The following NPC1 variants were observed in gnomAD, a reference collection of about 807,000 sequenced individuals.
NPC1 encodes NPC intracellular cholesterol transporter 1, also known as Niemann-Pick C1 protein.
Under a neutral mutation model 140.4 loss-of-function variants are expected in NPC1, and 85 were observed. The ratio of observed to expected loss-of-function variants is 0.61; its 90% confidence interval spans 0.51 to 0.72. The LOEUF (loss-of-function observed/expected upper bound fraction) is 0.72, where lower values mean the gene tolerates loss of function less well. Ranked by LOEUF, NPC1 falls within the 30% of genes least tolerant of loss-of-function variation. The pLI is 0.00. For missense variants in NPC1, 1,504 were observed against 1,623.8 expected (o/e 0.93, Z 1.27); for synonymous variants, 656 against 624.8 (o/e 1.05, Z -0.74).
chr18:23,582,178 G>C (rs563820476), intron 1 of NPC1: 1 of 152,150 alleles, frequency 6.6e-6, no homozygotes, highest in South Asian at 2.1e-4. Flanking sequence ...GTTGTGTCTA[G>C]GGAAGCCAAT....
At chr18:23,584,005 C>T (rs544471356) in intron 1 of NPC1, among the ~76,000 whole-genome samples, 50 of 152,302 alleles carry the variant, frequency 3.3e-4, no homozygotes, top group African/African-American at 1.2e-3. Flanking sequence ...TCTACCCAGG[C>T]TTCTCTATGT....
chr18:23,537,699 G>A (rs552453822), intron 20 of NPC1, among the ~76,000 whole-genome samples: 14 of 152,288 alleles, frequency 9.2e-5, no homozygotes, highest in South Asian at 2.1e-4. Flanking sequence ...CCCCAGGAAC[G>A]GTGGCTACTG....
chr18:23,580,287 C>T (rs543254789), intron 1 of NPC1, among the ~76,000 whole-genome samples: 4 of 152,238 alleles, frequency 2.6e-5, no homozygotes, highest in East Asian at 1.9e-4. Flanking sequence ...CCCCCTTGTC[C>T]TCCTGCCTCC....
chr18:23,572,125 T>A lies in NPC1; in HGVS notation c.236A>T (p.Gln79Leu). 6.2e-7 allele frequency: 1 copy of A among 1,613,932 alleles called. No homozygotes were observed. Among genetic ancestry groups the A allele is most frequent in the South Asian group, 1.1e-5 (1 of 91,084 alleles). ...GNVSLCCDVR[Q>L]LQTLKDNLQL... ...CAGGTTGTCTTTTAGTGTCTGAAGCTGCCGAACATCACAACAGAGACTGAC... is the reference window on the plus strand; with the variant it reads ...CAGGTTGTCTTTTAGTGTCTGAAGCAGCCGAACATCACAACAGAGACTGAC... Residue 79 changes from glutamine to leucine, a missense_variant, in exon 3 of 25, where the codon CAG (glutamine) becomes CTG (leucine). Physicochemically the swap from Gln to Leu is moderately radical, Grantham distance 113. Coordinates refer to ENST00000269228, the MANE Select transcript of NPC1 (RefSeq NM_000271.5).
chr18:23,530,189 T>G, downstream of NPC1: 1 of 1,613,984 alleles, frequency 6.2e-7, no homozygotes, highest in Non-Finnish European at 8.5e-7. Context: ...ATTTTAACCG[T>G]TATCTTTCCA....
At position 23,577,353 on chromosome 18, in the gene NPC1, T is replaced by C. The variant is rs2059298569; in HGVS notation, c.58-3779A>G. Among the ~76,000 whole-genome samples, 5 of 92,728 alleles carry C rather than the reference T, an allele frequency of 5.4e-5. No individual in the cohort carries two copies. In the Admixed American group the frequency reaches 5.5e-4, roughly 10 times the overall value. The allele number at this position is 92,728 out of a possible 152,430, so 60.8% of individuals were successfully genotyped here. A position where few individuals can be genotyped will look rare whatever the true frequency, so the allele number is the denominator to read the frequency against. ...ATTGGTGCACTCACAAACCTTGAGC[T>C]AAACACAGGGTGCTGATTGGTGTAT... On this transcript the variant is annotated intron_variant, in intron 1 of 24. Transcript: ENST00000269228.
In NPC1 at chr18:23,544,948, C is replaced by CCCCA. The variant is rs1555634668; in HGVS notation, c.1947+11_1947+12insTGGG. The CCCCA allele has an allele frequency of 5.3e-4, 738 of 1,379,502 alleles. 38 individuals carry two copies. The highest frequency in any genetic ancestry group is 4.6e-3 in the Middle Eastern group (26 of 5,652). 85.5% of individuals were successfully genotyped at this position (1,379,502 alleles called of 1,614,324 possible). On this transcript the variant is annotated intron_variant, in intron 12 of 24. Coordinates refer to ENST00000269228, the MANE Select transcript of NPC1 (RefSeq NM_000271.5). ...TAACCTCTAGAACATACACCACCCCCCCCCGGCTTACCAGAAGCCTGCGAC... is the reference window on the plus strand; with the variant it reads ...TAACCTCTAGAACATACACCACCCCCCCCACCCCGGCTTACCAGAAGCCTGCGAC...
At chr18:23,528,186 T>C (rs1217009638), downstream of NPC1, 5 of 262,382 alleles carry the variant, frequency 1.9e-5, no homozygotes, top group South Asian at 1.9e-4. Context: ...TCTACTGTTA[T>C]AGATGAGAAA....
At chr18:23,567,308 A>C (rs74968372) in intron 4 of NPC1, among the ~76,000 whole-genome samples, 9,701 of 152,254 alleles carry the variant, frequency 0.064, 1,017 homozygotes, top group African/African-American at 0.22. Context: ...TTTGGTGTTG[A>C]AAGCGTCTTG....
In NPC1 at chr18:23,543,478, GA is replaced by G; in HGVS notation, c.2221del (p.Ser741LeufsTer4). 6.2e-7 allele frequency: 1 copy of G among 1,608,280 alleles called. No individual in the cohort carries two copies. Among genetic ancestry groups the G allele is most frequent in the Non-Finnish European group, 8.5e-7 (1 of 1,175,656 alleles). On this transcript the variant is annotated frameshift_variant, in exon 14 of 25. Transcript: ENST00000269228. LOFTEE classifies it high-confidence loss of function. The part of the protein sequence containing the change: ...VAPSMFLSSF[S>X]ETVAFFLGAL... ...ACCTAAGAAAAATGCTACAGTCTCA[GA>G]AAAGGATGACAGGAACATACTGGGA...
downstream of NPC1, among the ~76,000 whole-genome samples, chr18:23,526,322 C>G (rs1359985511): frequency 6.6e-6 from 1 of 152,182 alleles, no homozygotes; most frequent in Non-Finnish European, 1.5e-5. Flanking sequence ...GGGGCTAGGT[C>G]TAGGGAAGTC....
chr18:23,558,086 T>C (rs2058981051), intron 6 of NPC1, among the ~76,000 whole-genome samples: 1 of 152,074 alleles, frequency 6.6e-6, no homozygotes, highest in Non-Finnish European at 1.5e-5. Context: ...GTCCAGTTAG[T>C]AAATGCAGAG....
downstream of NPC1, chr18:23,530,717 ACAC>A (rs1329850912): frequency 3.7e-6 from 4 of 1,071,778 alleles, no homozygotes; most frequent in African/African-American, 6.4e-5. Flanking sequence ...TTTGTAAACA[ACAC>A]AATTTGATAA....
chr18:23,515,351 G>GC (rs1185771005), intron 3 of NPC1, among the ~76,000 whole-genome samples: 1 of 152,182 alleles, frequency 6.6e-6, no homozygotes, highest in Non-Finnish European at 1.5e-5. Context: ...AGTGATGCCT[G>GC]CCTCTCAGTC....
chr18:23,571,712 G>T (rs1251323135), intron 3 of NPC1, among the ~76,000 whole-genome samples: 3 of 151,396 alleles, frequency 2.0e-5, no homozygotes, highest in Non-Finnish European at 4.4e-5. Context: ...GGTAGTGCAT[G>T]CCTGTAGTCC....
intron 1 of NPC1, among the ~76,000 whole-genome samples, chr18:23,577,593 A>AGGTGGAGCTGCC (rs1369557600): frequency 6.6e-6 from 1 of 152,222 alleles, no homozygotes; most frequent in Non-Finnish European, 1.5e-5. Context: ...CCGGGGCTGC[A>AGGTGGAGCTGCC]GGTGGAGCTG....
chr18:23,525,917 A>T (rs2058286460), downstream of NPC1, among the ~76,000 whole-genome samples: 2 of 152,148 alleles, frequency 1.3e-5, no homozygotes, highest in African/African-American at 4.8e-5. Context: ...ACTGTATGTA[A>T]TGCATTGTTG....
chr18:23,558,133 AACACCTTAG>A (rs1239747801), intron 6 of NPC1, among the ~76,000 whole-genome samples: 1 of 152,188 alleles, frequency 6.6e-6, no homozygotes, highest in Non-Finnish European at 1.5e-5. Flanking sequence ...CTATCAGGCA[AACACCTTAG>A]TTATAACTGT....
exon 4 of NPC1, chr18:23,506,539 A>C (rs926381949): frequency 5.9e-6 from 1 of 168,806 alleles, no homozygotes; most frequent in Non-Finnish European, 1.3e-5. Context: ...TCACTTTTTA[A>C]CATCTGTCTG....
Sources: allele counts gnomAD v4.1 joint callset (sites outside exome capture counted in the v4.1 genomes callset), GRCh38; gene constraint gnomAD v4.1.1; transcripts MANE v1.5; gene names NCBI Gene and HGNC (gene_info 2026-07-23, HGNC 2026-07-21).